Variants in MROH6 observed in about 807,000 individuals in gnomAD.
MROH6 encodes maestro heat-like repeat-containing protein family member 6.
A neutral mutation model predicts 67.7 loss-of-function variants in MROH6; 62 were observed. That is an observed-to-expected ratio of 0.92 (90% CI 0.75 to 1.13). The LOEUF (loss-of-function observed/expected upper bound fraction) is 1.13, where lower values mean the gene tolerates loss of function less well. Among genes scored for constraint, MROH6 ranks in the 50% most tolerant of loss-of-function variants. The pLI, the probability that MROH6 is intolerant of heterozygous loss-of-function variation, is 0.00. For synonymous variants in MROH6, 566 were observed against 470.8 expected (o/e 1.20, Z -2.62); for missense variants, 1,175 against 1,029.1 (o/e 1.14, Z -1.94).
At chr8:143,572,394 C>T (rs1563922846) in intron 1 of MROH6, 27 bp downstream of exon 1, 1 of 1,532,030 alleles carries the variant, frequency 6.5e-7, no homozygotes, top group African/African-American at 1.4e-5. Context: ...GGCCGGTTCG[C>T]ACAACATCCC....
chr8:143,570,170 C>T, intron 6 of MROH6, 73 bp downstream of exon 6: 3 of 1,559,584 alleles, frequency 1.9e-6, no homozygotes, highest in South Asian at 2.3e-5. Context: ...TCCCTGTCCC[C>T]CTGCCCAGCA....
At position 143,569,700 on chromosome 8, in the gene MROH6, C is replaced by T; in HGVS notation, c.1299G>A (p.Arg433=). Residue 433 remains arginine, a synonymous_variant, in exon 8 of 14, where the codon AGG becomes AGA. Transcript: ENST00000398882. ...LGLGHLALNR[R]KVRHVSTLLP... ...CACCCCTCCCCTTCTCTCACACCTT[C>T]CTGCGATTCAGCGCGAGGTGGCCCA... 6.2e-7 allele frequency: 1 copy of T among 1,612,848 alleles called. No homozygotes were observed. Among genetic ancestry groups the T allele is most frequent in the Non-Finnish European group, 8.5e-7 (1 of 1,179,496 alleles).
In MROH6 at chr8:143,572,122, G is replaced by C. The variant is rs776365153; in HGVS notation, c.358C>G (p.Leu120Val). 31 of 1,612,940 alleles carry C rather than the reference G, an allele frequency of 1.9e-5. No individual in the cohort carries two copies. The highest frequency in any genetic ancestry group is 2.6e-5 in the Non-Finnish European group (31 of 1,179,776). ...GTCCCTGCAAAGCCAGCCTCCTCCA[G>C]GCAGGCAGCCGTGTACAACGCGAGG... ...ADLALYTAAC[L>V]EEAGFAGTQA... The change falls in exon 2 of 14, where the codon CTG (leucine) becomes GTG (valine). Residue 120 changes from leucine to valine, a missense_variant. Physicochemically the swap from Leu to Val is conservative, Grantham distance 32. Coordinates refer to ENST00000398882, the MANE Select transcript of MROH6 (RefSeq NM_001100878.2).
At position 143,568,674 on chromosome 8, in the gene MROH6, G is replaced by C. The variant is rs762407665; in HGVS notation, c.1522C>G (p.Leu508Val). ...RASAVGLLGT[L>V]VRRGRGGLRL... ...AGCCCGCCCCGGCCCCGGCGCACCA[G>C]AGTCCCAAGGAGCCCGACGGCCGAG... Residue 508 changes from leucine to valine, a missense_variant, in exon 10 of 14, where the codon CTG becomes GTG. Transcript: ENST00000398882. 2 of 1,520,826 alleles carry C rather than the reference G, an allele frequency of 1.3e-6. No individual in the cohort carries two copies. Among genetic ancestry groups the C allele is most frequent in the South Asian group, 1.2e-5 (1 of 82,552 alleles). 94.2% of individuals were successfully genotyped at this position (1,520,826 alleles called of 1,614,324 possible).
In MROH6 at chr8:143,569,614, C is replaced by A. The variant is rs747831629; in HGVS notation, c.1303G>T (p.Val435Leu). The A allele has an allele frequency of 1.3e-6, 2 of 1,580,246 alleles. No homozygotes were observed. The change falls in exon 9 of 14, where the codon GTG (valine) becomes TTG (leucine). Residue 435 changes from valine to leucine, a missense_variant and splice_region_variant. Val to Leu is a conservative substitution (Grantham distance 32, BLOSUM62 1). Transcript: ENST00000398882. ...LGHLALNRRK[V>L]RHVSTLLPAL... ...GGCAGCAGCGTGCTCACGTGCCGCA[C>A]CTGCTGGGACTCGGGGTCAGCCTCT...
chr8:143,568,172 G>C lies in MROH6; in HGVS notation c.1734C>G (p.Pro578=). 1 of 1,610,000 alleles carries C rather than the reference G, an allele frequency of 6.2e-7. No individual in the cohort carries two copies. The highest frequency in any genetic ancestry group is 8.5e-7 in the Non-Finnish European group (1 of 1,178,772). ...ELVTVAHYDS[P]EALSHLCCRL... is the part of the protein sequence containing the mutation. ...GGCAGCAGAGGTGGCTCAGGGCCTC[G>C]GGGCTGTCATAGTGGGCCACGGTGA... The change falls in exon 11 of 14, where the codon CCC becomes CCG. Residue 578 remains proline (P), a synonymous_variant. Coordinates refer to ENST00000398882, the MANE Select transcript of MROH6 (RefSeq NM_001100878.2).
rs1451319481 is a variant in MROH6 at position 143,569,561 on chromosome 8, G to A, written c.1356C>T (p.Gly452=). The A allele has an allele frequency of 1.3e-6, 2 of 1,545,602 alleles. No individual in the cohort carries two copies. The highest frequency in any genetic ancestry group is 2.4e-5 in the East Asian group (1 of 41,522). ...GCGCTGCACCCACGAGCCGCGCGTC[G>A]CCTTCGCCCAGTGCGCCCAGGAGCG... The part of the protein sequence containing the change: ...LPALLGALGE[G]DARLVGAALG... Residue 452 remains glycine (G), a synonymous_variant, in exon 9 of 14, where the codon GGC becomes GGT. Coordinates refer to ENST00000398882, the MANE Select transcript of MROH6 (RefSeq NM_001100878.2).
intron 7 of MROH6, 46 bp from the exon 8 acceptor site, chr8:143,569,886 G>C: frequency 6.2e-7 from 1 of 1,610,248 alleles, no homozygotes. Context: ...CCCCGTGCAG[G>C]CCGCTGCGAT....
chr8:143,570,818 CG>C, intron 4 of MROH6, 58 bp downstream of exon 4: 1 of 1,413,460 alleles, frequency 7.1e-7, no homozygotes. Flanking sequence ...CCATCCTCCC[CG>C]CTCCTCGCCA....
chr8:143,570,557 T>G lies in MROH6; in HGVS notation c.821A>C (p.His274Pro), dbSNP rs893995985. The change falls in exon 5 of 14, where the codon CAC (histidine) becomes CCC (proline). Residue 274 changes from histidine (H) to proline (P), a missense_variant. Coordinates refer to ENST00000398882, the MANE Select transcript of MROH6 (RefSeq NM_001100878.2). ...HLLLALVTQLHKLARSPCSPD... is the reference protein window; with the variant it reads ...HLLLALVTQLPKLARSPCSPD... ...GGAGCACGGGCTGCGGGCCAGCTTG[T>G]GCAGCTGTGTGACCAGCGCAAGCAG... The G allele has an allele frequency of 6.2e-7, 1 of 1,609,726 alleles. No homozygotes were observed. Among genetic ancestry groups the G allele is most frequent in the Non-Finnish European group, 8.5e-7 (1 of 1,179,842 alleles).
At chr8:143,567,764 G>C in intron 12 of MROH6, 22 bp downstream of exon 12, 1 of 1,568,056 alleles carries the variant, frequency 6.4e-7, no homozygotes, top group Admixed American at 1.8e-5. Flanking sequence ...GCCAGGGGCA[G>C]TGTGACCCCG....
chr8:143,572,150 G>T lies in MROH6; in HGVS notation c.330C>A (p.Ala110=), dbSNP rs754739351. ...AGGCAGCCGTGTACAACGCGAGGTCGGCAAGAACTCCCTCCTCCCAGGAAC... is the reference window on the plus strand; with the variant it reads ...AGGCAGCCGTGTACAACGCGAGGTCTGCAAGAACTCCCTCCTCCCAGGAAC... The part of the protein sequence containing the change: ...PQSSWEEGVL[A]DLALYTAACL... Residue 110 remains alanine, a synonymous_variant, in exon 2 of 14, where the codon GCC becomes GCA. Transcript: ENST00000398882. The T allele has an allele frequency of 1.2e-6, 2 of 1,613,008 alleles. No individual in the cohort carries two copies. The highest frequency in any genetic ancestry group is 2.2e-5 in the East Asian group (1 of 44,880).
chr8:143,567,710 A>C (rs2130602507), intron 12 of MROH6, 34 bp from the exon 13 acceptor site: 17 of 1,574,608 alleles, frequency 1.1e-5, no homozygotes, highest in Middle Eastern at 1.7e-4. Flanking sequence ...TGCAGGCCCC[A>C]CAGCCCCCCA....
At chr8:143,567,532 C>A (rs1207515408) in intron 13 of MROH6, 67 bp from the exon 14 acceptor site, 7 of 1,465,210 alleles carry the variant, frequency 4.8e-6, no homozygotes, top group Non-Finnish European at 6.4e-6. Flanking sequence ...CCTGGCCCTC[C>A]ACCCACCGCT....
chr8:143,570,427 T>TGGGAGTGAGAGGG (rs778686887), intron 5 of MROH6, 46 bp downstream of exon 5: 7 of 1,553,328 alleles, frequency 4.5e-6, no homozygotes, highest in South Asian at 2.3e-5. Flanking sequence ...GCTGAGAGGG[T>TGGGAGTGAGAGGG]GACAGCATGC....
chr8:143,571,127 C>T (rs897172031), intron 3 of MROH6, 133 bp from the exon 4 acceptor site: 37 of 653,098 alleles, frequency 5.7e-5, no homozygotes, highest in African/African-American at 5.5e-4. Context: ...CTCCCATCTC[C>T]CCCCATCCCC....
rs376523471 is a variant in MROH6, at chr8:143,570,451, G to A, written c.905+22C>T. On this transcript the variant is annotated intron_variant, in intron 5 of 13. Coordinates refer to ENST00000398882, the MANE Select transcript of MROH6 (RefSeq NM_001100878.2). The stretch of plus-strand genomic sequence containing the variant: ...GTGACAGCATGCTGGCCCGCCCCAC[G>A]TAACCTGGTGTTGCCTCTCACCTGG... 1,306 of 1,361,808 alleles carry A rather than the reference G, an allele frequency of 9.6e-4. 1 individual carries two copies. The highest frequency in any genetic ancestry group is 1.2e-3 in the Non-Finnish European group (1,237 of 995,478). The allele number at this position is 1,361,808 out of a possible 1,614,324, so 84.4% of individuals were successfully genotyped here.
At chr8:143,567,535 C>T in intron 13 of MROH6, 70 bp from the exon 14 acceptor site, 1 of 1,468,466 alleles carries the variant, frequency 6.8e-7, no homozygotes, top group South Asian at 1.4e-5. Context: ...GGCCCTCCAC[C>T]CACCGCTCCC....
At chr8:143,568,022 GC>G in intron 11 of MROH6, 119 bp downstream of exon 11, 2 of 1,465,570 alleles carry the variant, frequency 1.4e-6, no homozygotes, top group South Asian at 1.4e-5. Context: ...CCTTGGACTT[GC>G]CCCACCAGTA....
Sources: allele counts gnomAD v4.1 joint callset, GRCh38; gene constraint gnomAD v4.1.1; transcripts MANE v1.5; gene names NCBI Gene and HGNC (gene_info 2026-07-23, HGNC 2026-07-21).